Variants in LRRK2 observed in about 807,000 individuals in gnomAD.
LRRK2 encodes the protein leucine-rich repeat serine/threonine-protein kinase 2.
A neutral mutation model predicts 302.6 loss-of-function variants in LRRK2; 203 were observed. The observed-to-expected ratio is 0.67, with a 90% CI of 0.60 to 0.75. The LOEUF (loss-of-function observed/expected upper bound fraction) is 0.75. Ranked by LOEUF, LRRK2 falls within the 30% of genes least tolerant of loss-of-function variation. LRRK2 has a pLI of 0.00. For missense variants in LRRK2, 2,830 were observed against 2,951.0 expected (o/e 0.96, Z 0.95); for synonymous variants, 1,066 against 1,031.9 (o/e 1.03, Z -0.63).
intron 12 of LRRK2, 114 bp from the exon 13 acceptor site, chr12:40,259,366 A>C: frequency 7.6e-7 from 1 of 1,312,662 alleles, no homozygotes; most frequent in Non-Finnish European, 1.1e-6. Flanking sequence ...ATTTTCATAT[A>C]GTCTTTCCTG....
intron 11 of LRRK2, among the ~76,000 whole-genome samples, chr12:40,255,894 G>A (rs534253869): frequency 6.6e-6 from 1 of 152,154 alleles, no homozygotes; most frequent in African/African-American, 2.4e-5. Flanking sequence ...AGTTTTTCAG[G>A]CTCTGGCAGT....
intron 18 of LRRK2, among the ~76,000 whole-genome samples, chr12:40,283,504 TAC>T (rs1943792411): frequency 6.6e-6 from 1 of 152,202 alleles, no homozygotes; most frequent in Admixed American, 6.5e-5. Context: ...TGTGTTAAGG[TAC>T]TGGTTTCCCA....
At chr12:40,251,072 C>A (rs7134379) in intron 8 of LRRK2, among the ~76,000 whole-genome samples, 160 bp from the exon 9 acceptor site, 28 of 150,344 alleles carry the variant, frequency 1.9e-4, no homozygotes, top group African/African-American at 6.6e-4. Context: ...CATTATGAGA[C>A]GTATAATATA....
chr12:40,280,660 A>AATAAAATAAT (rs1565707990), intron 18 of LRRK2, among the ~76,000 whole-genome samples: 26 of 150,390 alleles, frequency 1.7e-4, no homozygotes, highest in South Asian at 6.3e-4. Flanking sequence ...AATAAAATAA[A>AATAAAATAAT]ATAATATAAT....
At chr12:40,314,897 A>G (rs944599955) in intron 32 of LRRK2, among the ~76,000 whole-genome samples, 1 of 152,006 alleles carries the variant, frequency 6.6e-6, no homozygotes, top group Non-Finnish European at 1.5e-5. Context: ...AAAATAAAAC[A>G]TGTCTTTGTA....
chr12:40,334,768 A>G (rs965709528), intron 39 of LRRK2, among the ~76,000 whole-genome samples, 199 bp from the exon 40 acceptor site: 11 of 152,184 alleles, frequency 7.2e-5, no homozygotes, highest in African/African-American at 2.4e-4. Flanking sequence ...CATGTTGTCC[A>G]TAGGTCAACT....
intron 11 of LRRK2, among the ~76,000 whole-genome samples, chr12:40,255,419 A>G (rs1250207494): frequency 6.6e-6 from 1 of 152,196 alleles, no homozygotes; most frequent in Non-Finnish European, 1.5e-5. Context: ...AGTATTACGT[A>G]GATAGCTGGT....
chr12:40,269,640 G>A (rs1592194700), intron 14 of LRRK2, among the ~76,000 whole-genome samples: 1 of 152,070 alleles, frequency 6.6e-6, no homozygotes, highest in South Asian at 2.1e-4. Flanking sequence ...TATCAATAGA[G>A]ACTAATCAGA....
intron 12 of LRRK2, among the ~76,000 whole-genome samples, chr12:40,259,208 G>A (rs1189545037): frequency 6.6e-6 from 1 of 152,098 alleles, no homozygotes; most frequent in African/African-American, 2.4e-5. Context: ...TACCTGCTGG[G>A]ATTGTTGTTA....
At chr12:40,312,763 G>A (rs553426165) in intron 31 of LRRK2, 1 of 151,932 alleles carries the variant, frequency 6.6e-6, no homozygotes, top group Middle Eastern at 3.4e-3. Flanking sequence ...AACTCATCCC[G>A]TTTCTACTTG....
rs1309768658 is a variant in LRRK2 at position 40,278,110 on chromosome 12, A to G, written c.2090A>G (p.Lys697Arg). 2 of 1,613,934 alleles carry G rather than the reference A, an allele frequency of 1.2e-6. No homozygotes were observed. The highest frequency in any genetic ancestry group is 1.1e-5 in the South Asian group (1 of 91,082). The change falls in exon 18 of 51, where the codon AAG becomes AGG. Residue 697 changes from lysine to arginine, a missense_variant. This residue lies in a region of LRRK2 where 2,121 missense variants were observed against 2,148.0 expected (regional missense o/e 0.99). Coordinates refer to ENST00000298910, the MANE Select transcript of LRRK2 (RefSeq NM_198578.4). The stretch of plus-strand genomic sequence containing the variant: ...TTTTAGTTTCTAAACCTCTGTTGCA[A>G]GTGTTTTGCAAAAGTAGCTATGGAT... ...KDQQFLNLCC[K>R]CFAKVAMDDY... is the part of the protein sequence containing the mutation.
chr12:40,233,139 T>C (rs1444212935), intron 3 of LRRK2, among the ~76,000 whole-genome samples: 1 of 152,134 alleles, frequency 6.6e-6, no homozygotes, highest in Non-Finnish European at 1.5e-5. Context: ...AGGCGGAGGT[T>C]GCAGTGAGCG....
At chr12:40,262,695 A>G (rs759890969) in intron 13 of LRRK2, among the ~76,000 whole-genome samples, 11 of 152,212 alleles carry the variant, frequency 7.2e-5, no homozygotes, top group Non-Finnish European at 1.2e-4. Context: ...AGGAATGTTC[A>G]TTTGGTCTTA....
At position 40,340,400 on chromosome 12, in the gene LRRK2, G is replaced by A. The variant is rs34637584; in HGVS notation, c.6055G>A (p.Gly2019Ser). ...AAIIAKIADYGIAQYCCRMGI... is the reference protein window; with the variant it reads ...AAIIAKIADYSIAQYCCRMGI... ...CATCATTGCAAAGATTGCTGACTAC[G>A]GCATTGCTCAGTACTGCTGTAGAAT... Residue 2019 changes from glycine to serine, a missense_variant, in exon 41 of 51, where the codon GGC becomes AGC. Physicochemically the swap from Gly to Ser is moderately conservative, Grantham distance 56 (BLOSUM62 0). Transcript: ENST00000298910. 664 of 1,613,804 alleles carry A rather than the reference G, an allele frequency of 4.1e-4. 1 individual carries two copies. The highest frequency in any genetic ancestry group is 1.8e-3 in the Middle Eastern group (11 of 6,060).
At chr12:40,340,956 A>C (rs1267089326) in intron 41 of LRRK2, among the ~76,000 whole-genome samples, 1 of 152,214 alleles carries the variant, frequency 6.6e-6, no homozygotes, top group Non-Finnish European at 1.5e-5. Flanking sequence ...GCTCAGTGTG[A>C]ATATGCATAC....
intron 20 of LRRK2, among the ~76,000 whole-genome samples, chr12:40,289,913 A>G (rs1592230909): frequency 6.6e-6 from 1 of 151,672 alleles, no homozygotes; most frequent in South Asian, 2.1e-4. Context: ...TCTAATATTT[A>G]TGTCTTCTTT....
At chr12:40,268,802 G>A (rs1051912576) in intron 14 of LRRK2, among the ~76,000 whole-genome samples, 2 of 152,122 alleles carry the variant, frequency 1.3e-5, no homozygotes, top group African/African-American at 4.8e-5. Flanking sequence ...AGAGAGATCA[G>A]TGCCACAGAA....
At chr12:40,359,208 G>A (rs1946630213) in intron 46 of LRRK2, 52 bp from the exon 47 acceptor site, 1 of 1,481,042 alleles carries the variant, frequency 6.8e-7, no homozygotes, top group Non-Finnish European at 9.3e-7. Context: ...ATGGAGTTTT[G>A]TTCTGTGGAT....
In LRRK2 at chr12:40,274,881, T is replaced by C. The variant is rs566811888; in HGVS notation, c.1829T>C (p.Ile610Thr). The C allele has an allele frequency of 1.4e-5, 23 of 1,612,380 alleles. No individual in the cohort carries two copies. The African/African-American group carries it at 1.7e-4, about 12-fold the overall frequency. ...QEIQCLGLSL[I>T]GYLITKKNVF... ...ATTCAGTGTCTGGGTTTAAGTCTTA[T>C]AGGATACTTGATTACAAAGAAGAAT... Residue 610 changes from isoleucine to threonine, a missense_variant, in exon 16 of 51, where the codon ATA becomes ACA. Transcript: ENST00000298910.
Sources: allele counts gnomAD v4.1 joint callset (sites outside exome capture counted in the v4.1 genomes callset), GRCh38; gene constraint gnomAD v4.1.1; regional missense constraint gnomAD v4.1.1; transcripts MANE v1.5; gene names NCBI Gene and HGNC (gene_info 2026-07-23, HGNC 2026-07-21).